The following ZNF14 variants were observed in gnomAD, a reference collection of about 807,000 sequenced individuals.
ZNF14 encodes gonadotropin inducible transcription repressor-4.
In ZNF14, 9 loss-of-function variants were observed where a neutral mutation model predicts 11.3. The observed-to-expected ratio is 0.80, with a 90% CI of 0.48 to 1.39. ZNF14 has a LOEUF of 1.39. Ranked by LOEUF, ZNF14 falls within the 40% of genes most tolerant of loss-of-function variation. ZNF14 has a pLI of 0.00. For missense variants in ZNF14, 711 were observed against 763.9 expected (o/e 0.93, Z 0.82); for synonymous variants, 239 against 245.7 (o/e 0.97, Z 0.25).
intron 1 of ZNF14, among the ~76,000 whole-genome samples, chr19:19,716,820 G>A (rs1053655730): frequency 5.3e-5 from 8 of 152,126 alleles, no homozygotes; most frequent in Admixed American, 4.6e-4. Flanking sequence ...TAACAGTTTT[G>A]TAATATTCCC....
chr19:19,729,063 G>C (rs1204760129), intron 1 of ZNF14, among the ~76,000 whole-genome samples: 1 of 152,048 alleles, frequency 6.6e-6, no homozygotes, highest in Non-Finnish European at 1.5e-5. Context: ...CGCAACCTCC[G>C]CCTCCCAGGT....
rs979166391 is a variant in ZNF14, at chr19:19,711,213, T to C, written c.*139A>G. On this transcript the variant is annotated 3_prime_UTR_variant, in exon 4 of 4. Coordinates refer to ENST00000344099, the MANE Select transcript of ZNF14 (RefSeq NM_021030.3). The stretch of plus-strand genomic sequence containing the variant: ...ACTGTTTCTCACCAGTGGGAATTCT[T>C]TCGTGCTCAAAAGAAACTGGAACAA... 7.4e-6 allele frequency: 7 copies of C among 950,600 alleles called. No individual in the cohort carries two copies. The African/African-American group carries it at 8.3e-5, about 11-fold the overall frequency. The allele number at this position is 950,600 out of a possible 1,614,324, so 58.9% of individuals were successfully genotyped here. A position where few individuals can be genotyped will look rare whatever the true frequency, so the allele number is the denominator to read the frequency against.
chr19:19,721,169 G>A (rs2062392452), intron 1 of ZNF14, among the ~76,000 whole-genome samples: 1 of 152,152 alleles, frequency 6.6e-6, no homozygotes, highest in African/African-American at 2.4e-5. Context: ...TGTTAGTCAG[G>A]CTGGTCTTGA....
In ZNF14 at chr19:19,711,386, A is replaced by G. The variant is rs200658899; in HGVS notation, c.1895T>C (p.Leu632Pro). The G allele has an allele frequency of 1.3e-6, 2 of 1,578,270 alleles. No homozygotes were observed. The highest frequency in any genetic ancestry group is 1.4e-5 in the African/African-American group (1 of 73,312). Residue 632 changes from leucine (L) to proline (P), a missense_variant, in exon 4 of 4, where the codon CTG (leucine) becomes CCG (proline). Leu to Pro is a moderately conservative substitution (Grantham distance 98). Transcript: ENST00000344099. ...KAFISSSHFR[L>P]HERTHMGEKV ...CTCTCCCATATGAGTCCTTTCATGC[A>G]GTCGAAAGTGACTGGAAGAAATGAA...
In ZNF14 at chr19:19,711,209, T is replaced by A; in HGVS notation, c.*143A>T. ...TCATACTGTTTCTCACCAGTGGGAA[T>A]TCTTTCGTGCTCAAAAGAAACTGGA... On this transcript the variant is annotated 3_prime_UTR_variant, in exon 4 of 4. Coordinates refer to ENST00000344099, the MANE Select transcript of ZNF14 (RefSeq NM_021030.3). 1 of 883,852 alleles carries A rather than the reference T, an allele frequency of 1.1e-6. No homozygotes were observed. 54.8% of individuals were successfully genotyped at this position (883,852 alleles called of 1,614,324 possible).
chr19:19,732,925 C>T (rs761944466), intron 1 of ZNF14, 31 bp downstream of exon 1: 7 of 1,612,928 alleles, frequency 4.3e-6, no homozygotes, highest in African/African-American at 4.0e-5. Flanking sequence ...AACCAGAAAC[C>T]TCCCCTCGGA....
Position 19,720,176 on chromosome 19 carries a change from G to C in ZNF14, c.4-5689C>G, listed in dbSNP as rs898203148. On this transcript the variant is annotated intron_variant, in intron 1 of 3. Transcript: ENST00000344099. This position sits in a 1 kb window ranked among gnomAD's most constrained non-coding sequence, Gnocchi z 4.1. ...TCTATCAGCAATAGCAGATCCAGCA[G>C]GCAGAAAATGAGGAAGGACATTGTT... Among the ~76,000 whole-genome samples, 33 of 152,200 alleles carry C rather than the reference G, an allele frequency of 2.2e-4. No homozygotes were observed. The highest frequency in any genetic ancestry group is 7.7e-4 in the African/African-American group (32 of 41,446).
Position 19,711,189 on chromosome 19 carries a change from C to T in ZNF14, c.*163G>A, listed in dbSNP as rs1298534677. ...CTTAATCACAATGTTTACATTCATA[C>T]TGTTTCTCACCAGTGGGAATTCTTT... is the stretch of plus-strand genomic sequence containing the variant. On this transcript the variant is annotated 3_prime_UTR_variant, in exon 4 of 4. Coordinates refer to ENST00000344099, the MANE Select transcript of ZNF14 (RefSeq NM_021030.3). 2.9e-6 allele frequency: 2 copies of T among 682,642 alleles called. No homozygotes were observed. Among genetic ancestry groups the T allele is most frequent in the African/African-American group, 3.6e-5 (2 of 55,094 alleles). 42.3% of individuals were successfully genotyped at this position (682,642 alleles called of 1,614,324 possible). A position where few individuals can be genotyped will look rare whatever the true frequency, so the allele number is the denominator to read the frequency against.
rs748872504 is a variant in ZNF14, at chr19:19,712,589, G to C, written c.692C>G (p.Ala231Gly). ...TTGAAAAGATTGGTAACATATAAAG[G>C]CTTTCCCACACTGTTTACATTCATA... is the stretch of plus-strand genomic sequence containing the variant. The part of the protein sequence containing the change: ...KPYECKQCGK[A>G]FICYQSFQRH... Residue 231 changes from alanine (A) to glycine (G), a missense_variant, in exon 4 of 4, where the codon GCC becomes GGC. Ala to Gly is a moderately conservative substitution (Grantham distance 60). Transcript: ENST00000344099. 5.0e-6 allele frequency: 8 copies of C among 1,613,118 alleles called. No individual in the cohort carries two copies. The South Asian group carries it at 5.5e-5, about 11-fold the overall frequency.
At chr19:19,732,847 G>T in intron 1 of ZNF14, 109 bp downstream of exon 1, 1 of 1,433,772 alleles carries the variant, frequency 7.0e-7, no homozygotes, top group Non-Finnish European at 9.5e-7. Context: ...CGCCCGCGGT[G>T]GCCCCCGGGT....
At position 19,711,558 on chromosome 19, in the gene ZNF14, GA is replaced by G. The variant is rs753537100; in HGVS notation, c.1722del (p.Arg575GlufsTer131). On this transcript the variant is annotated frameshift_variant, in exon 4 of 4. Coordinates refer to ENST00000344099, the MANE Select transcript of ZNF14 (RefSeq NM_021030.3). LOFTEE classifies it low-confidence loss of function (END_TRUNC). ...CGKAFISSSKFRMHERTHTGE... is the reference protein window; with the variant it reads ...CGKAFISSSKXRMHERTHTGE... ...CCCGTGTGAGTTCTCTCATGCATTC[GA>G]AATTTACTGGAAGAAATGAAGGCTT... 1 of 1,613,438 alleles carries G rather than the reference GA, an allele frequency of 6.2e-7. No individual in the cohort carries two copies. Among genetic ancestry groups the G allele is most frequent in the South Asian group, 1.1e-5 (1 of 90,978 alleles).
At chr19:19,726,945 T>G (rs2145104261) in intron 1 of ZNF14, among the ~76,000 whole-genome samples, 1 of 133,642 alleles carries the variant, frequency 7.5e-6, no homozygotes, top group East Asian at 2.1e-4. Flanking sequence ...AAGTGCAGTA[T>G]TAGGGTGGAA....
chr19:19,727,382 C>G lies in ZNF14; in HGVS notation c.3+5574G>C, dbSNP rs774397078. 3.0e-5 allele frequency among the ~76,000 whole-genome samples: 4 copies of G among 132,152 alleles called. 1 individual carries two copies. The highest frequency in any genetic ancestry group is 6.7e-5 in the Non-Finnish European group (4 of 59,744). The allele number at this position is 132,152 out of a possible 152,430, so 86.7% of individuals were successfully genotyped here. On this transcript the variant is annotated intron_variant, in intron 1 of 3. Transcript: ENST00000344099. The stretch of plus-strand genomic sequence containing the variant: ...TGTTGCTGGTCTCAAGTCATCCTCC[C>G]GCCTTGACCTTCCGAAGTGCTGGGA...
Position 19,711,065 on chromosome 19 carries a change from A to C in ZNF14, c.*287T>G. 2 of 287,646 alleles carry C rather than the reference A, an allele frequency of 7.0e-6. No homozygotes were observed. The highest frequency in any genetic ancestry group is 6.4e-6 in the Non-Finnish European group (1 of 155,540). The allele number at this position is 287,646 out of a possible 1,614,324, so 17.8% of individuals were successfully genotyped here. ...GTGCTGGGACTATAGGCATGAGCCA[A>C]CAAGCTTGGCCTTTTTTAAAAAAAC... is the stretch of plus-strand genomic sequence containing the variant. On this transcript the variant is annotated 3_prime_UTR_variant, in exon 4 of 4. Transcript: ENST00000344099.
Position 19,711,154 on chromosome 19 carries a change from C to A in ZNF14, c.*198G>T. The A allele has an allele frequency of 1.9e-6, 1 of 516,986 alleles. No homozygotes were observed. Among genetic ancestry groups the A allele is most frequent in the Non-Finnish European group, 3.2e-6 (1 of 312,872 alleles). 32.0% of individuals were successfully genotyped at this position (516,986 alleles called of 1,614,324 possible). A position where few individuals can be genotyped will look rare whatever the true frequency, so the allele number is the denominator to read the frequency against. ...GTCCTGTCTTTGAAATGAATTAGGT[C>A]AACTGAAGGCTTAATCACAATGTTT... On this transcript the variant is annotated 3_prime_UTR_variant, in exon 4 of 4. Coordinates refer to ENST00000344099, the MANE Select transcript of ZNF14 (RefSeq NM_021030.3).
chr19:19,732,239 G>T (rs1414121957), intron 1 of ZNF14, among the ~76,000 whole-genome samples: 1 of 152,122 alleles, frequency 6.6e-6, no homozygotes, highest in African/African-American at 2.4e-5. Flanking sequence ...ATTCCATCCA[G>T]AAACCAAAGA....
At chr19:19,718,873 C>G (rs1167745851) in intron 1 of ZNF14, among the ~76,000 whole-genome samples, 1 of 152,184 alleles carries the variant, frequency 6.6e-6, no homozygotes, top group Non-Finnish European at 1.5e-5. Flanking sequence ...TCAAGCAATT[C>G]TCCTGCCTCA....
In ZNF14 at chr19:19,711,604, A is replaced by G; in HGVS notation, c.1677T>C (p.Tyr559=). 1.9e-6 allele frequency: 3 copies of G among 1,614,120 alleles called. No individual in the cohort carries two copies. Among genetic ancestry groups the G allele is most frequent in the Non-Finnish European group, 2.5e-6 (3 of 1,180,000 alleles). The change falls in exon 4 of 4, where the codon TAT becomes TAC. Residue 559 remains tyrosine, a synonymous_variant. Coordinates refer to ENST00000344099, the MANE Select transcript of ZNF14 (RefSeq NM_021030.3). The part of the protein sequence containing the change: ...HERTHTGEKP[Y]QCKQCGKAFI... ...AGGCTTTTCCACATTGTTTACATTG[A>G]TACGGTTTCTCTCCAGTGTGAGTCC...
In ZNF14 at chr19:19,711,923, C is replaced by T; in HGVS notation, c.1358G>A (p.Gly453Glu). 1 of 1,613,700 alleles carries T rather than the reference C, an allele frequency of 6.2e-7. No homozygotes were observed. The highest frequency in any genetic ancestry group is 1.1e-5 in the South Asian group (1 of 91,056). ...AEKPYECKQC[G>E]KAFRCSSYFR... ...ATAACTTGAACACCTGAAGGCTTTC[C>T]CACACTGTTTACATTCATAGGGTTT... Residue 453 changes from glycine (G) to glutamate (E), a missense_variant, in exon 4 of 4, where the codon GGG (glycine) becomes GAG (glutamate). Physicochemically the swap from Gly to Glu is moderately conservative, Grantham distance 98. Transcript: ENST00000344099.
Sources: gnomAD v4.1 joint callset for allele counts (sites outside exome capture counted in the v4.1 genomes callset) on GRCh38, gnomAD v4.1.1 for gene constraint, Gnocchi (gnomAD v3.1) non-coding constraint, MANE v1.5 for transcripts, NCBI Gene and HGNC (gene_info 2026-07-23, HGNC 2026-07-21) for gene names.